Variants in DAPK2 observed in about 807,000 individuals in gnomAD.
DAPK2 encodes the protein death-associated protein kinase 2.
DAPK2 carries 35 observed loss-of-function variants against 44.1 expected under a neutral mutation model. The observed-to-expected ratio is 0.79, with a 90% CI of 0.61 to 1.05. DAPK2 has a LOEUF of 1.05. DAPK2 is among the 50% of genes least tolerant of loss of function. DAPK2 has a pLI of 0.00. For synonymous variants in DAPK2, 174 were observed against 182.6 expected, an observed-to-expected ratio of 0.95 and a Z score of 0.38; for missense variants, 453 against 483.2, an observed-to-expected ratio of 0.94 and a Z score of 0.59.
chr15:64,036,967 C>A lies in DAPK2; in HGVS notation c.92+3203G>T, dbSNP rs534505751. Among the ~76,000 whole-genome samples the A allele has an allele frequency of 2.0e-5, 3 of 152,288 alleles. No homozygotes were observed. The East Asian group carries it at 5.8e-4, about 29-fold the overall frequency. The stretch of plus-strand genomic sequence containing the variant: ...TCATGAACACTTACCCCATGCCCAG[C>A]TCTGAGAGGGATTCCTGACTCAGCA... On this transcript the variant is annotated intron_variant, in intron 1 of 10. Transcript: ENST00000261891.
chr15:63,973,084 C>T (rs1207644741), intron 2 of DAPK2, among the ~76,000 whole-genome samples: 1 of 152,180 alleles, frequency 6.6e-6, no homozygotes, highest in Non-Finnish European at 1.5e-5. Flanking sequence ...AGAATGATAT[C>T]AAAGGAGGGG....
chr15:63,971,299 G>A (rs1433808154), intron 3 of DAPK2, 124 bp downstream of exon 4: 4 of 1,221,732 alleles, frequency 3.3e-6, no homozygotes, highest in Non-Finnish European at 4.6e-6. Context: ...TGAGCTCAGG[G>A]TTTTTCACTG....
chr15:64,006,920 G>T (rs933063151), intron 1 of DAPK2, among the ~76,000 whole-genome samples: 11 of 152,066 alleles, frequency 7.2e-5, no homozygotes, highest in Admixed American at 2.0e-4. Flanking sequence ...CCACCCATAG[G>T]GAGCCCGACT....
intron 3 of DAPK2, among the ~76,000 whole-genome samples, chr15:63,958,316 T>C (rs1161267513): frequency 6.6e-6 from 1 of 152,142 alleles, no homozygotes; most frequent in Admixed American, 6.5e-5. Context: ...CTGTTCACTC[T>C]GATGGTAGTT....
At position 63,923,469 on chromosome 15, in the gene DAPK2, G is replaced by A; in HGVS notation, c.858+1347C>T. On this transcript the variant is annotated intron_variant, in intron 8 of 10. Coordinates refer to ENST00000261891, the Ensembl canonical transcript of DAPK2. This position sits in a 1 kb window ranked among gnomAD's most constrained non-coding sequence, Gnocchi z 4.2. Reference sequence around the variant, plus strand: ...TTCACTGCATGCGTCAGGCCATGGGGAGAACCAGGGTGGGATGAGCACCTC... The same window carrying A: ...TTCACTGCATGCGTCAGGCCATGGGAAGAACCAGGGTGGGATGAGCACCTC... 1.4e-6 allele frequency: 2 copies of A among 1,447,046 alleles called. No individual in the cohort carries two copies. Among genetic ancestry groups the A allele is most frequent in the Non-Finnish European group, 1.8e-6 (2 of 1,103,196 alleles). 89.6% of individuals were successfully genotyped at this position (1,447,046 alleles called of 1,614,324 possible).
At chr15:63,967,007 G>C (rs1001057588) in intron 3 of DAPK2, among the ~76,000 whole-genome samples, 1 of 151,896 alleles carries the variant, frequency 6.6e-6, no homozygotes, top group African/African-American at 2.4e-5. Context: ...GTGAAACCCC[G>C]TCTCTACTAA....
chr15:63,959,519 G>T (rs927007967), intron 3 of DAPK2, among the ~76,000 whole-genome samples: 1 of 152,148 alleles, frequency 6.6e-6, no homozygotes, highest in South Asian at 2.1e-4. Context: ...ATTATTTTGA[G>T]ACACGTCCCA....
intron 1 of DAPK2, among the ~76,000 whole-genome samples, chr15:64,034,855 T>C (rs1274248323): frequency 6.6e-6 from 1 of 152,226 alleles, no homozygotes; most frequent in African/African-American, 2.4e-5. Context: ...CTTATGATTT[T>C]ATGTTAATAT....
At chr15:64,010,864 A>G (rs1303213410) in intron 1 of DAPK2, among the ~76,000 whole-genome samples, 1 of 152,056 alleles carries the variant, frequency 6.6e-6, no homozygotes, top group Non-Finnish European at 1.5e-5. Flanking sequence ...TTGTTTATAA[A>G]CTGTTGATGC....
chr15:64,041,921 C>T (rs1016845775), upstream of DAPK2, among the ~76,000 whole-genome samples: 1 of 152,206 alleles, frequency 6.6e-6, no homozygotes, highest in Non-Finnish European at 1.5e-5. Flanking sequence ...GGCTTACTCT[C>T]GTGGTCACCT....
At chr15:63,993,651 G>C (rs992234096) in intron 1 of DAPK2, among the ~76,000 whole-genome samples, 2 of 152,072 alleles carry the variant, frequency 1.3e-5, no homozygotes, top group African/African-American at 4.8e-5. Context: ...CAGACATGCA[G>C]GGCTGTGAAT....
intron 3 of DAPK2, among the ~76,000 whole-genome samples, chr15:63,969,200 C>T (rs1286671580): frequency 6.6e-6 from 1 of 151,622 alleles, no homozygotes; most frequent in Non-Finnish European, 1.5e-5. Flanking sequence ...GGGCAGATTG[C>T]TTGAGCCTAG....
intron 1 of DAPK2, among the ~76,000 whole-genome samples, chr15:64,014,285 C>A (rs1187535532): frequency 6.6e-6 from 1 of 152,232 alleles, no homozygotes; most frequent in Non-Finnish European, 1.5e-5. Context: ...TATGTTGGTC[C>A]AGGCCCTGGC....
intron 10 of DAPK2, chr15:63,910,821 G>T (rs1477803710): frequency 2.0e-5 from 3 of 152,236 alleles, no homozygotes; most frequent in African/African-American, 4.8e-5. Flanking sequence ...GCCACCCAAA[G>T]TGCTGGGACT....
At chr15:63,907,315 C>T (rs1438219262) in exon 11 of DAPK2, 1 of 152,090 alleles carries the variant, frequency 6.6e-6, no homozygotes, top group African/African-American at 2.4e-5. Flanking sequence ...TTCTGTGGTA[C>T]CAAGGGTTAA....
intron 10 of DAPK2, among the ~76,000 whole-genome samples, chr15:63,910,382 G>T (rs575464107): frequency 1.3e-5 from 2 of 152,312 alleles, no homozygotes; most frequent in East Asian, 1.9e-4. Flanking sequence ...CCTCCCAGTC[G>T]CTCCCTGAGC....
At chr15:63,969,741 T>TAAA (rs11331070) in intron 3 of DAPK2, among the ~76,000 whole-genome samples, 1 of 143,910 alleles carries the variant, frequency 6.9e-6, no homozygotes, top group African/African-American at 2.6e-5. Context: ...CTATCTCTAT[T>TAAA]AAAAAAAAAA....
At position 63,939,752 on chromosome 15, in the gene DAPK2, TG is replaced by T. The variant is rs1006639477; in HGVS notation, c.454-392del. ...AACAAACCCAGCACTGCTGTGTGGG[TG>T]TGAAAGGGACGGGGACATCCCAGCT... On this transcript the variant is annotated intron_variant, in intron 3 of 10. Coordinates refer to ENST00000261891, the Ensembl canonical transcript of DAPK2. The surrounding 1 kb of genome is among the most constrained non-coding windows in gnomAD (Gnocchi z 4.3). Among the ~76,000 whole-genome samples the T allele has an allele frequency of 2.6e-5, 4 of 152,182 alleles. No homozygotes were observed. The highest frequency in any genetic ancestry group is 9.7e-5 in the African/African-American group (4 of 41,440).
intron 2 of DAPK2, among the ~76,000 whole-genome samples, chr15:63,983,102 C>T (rs1226696927): frequency 4.6e-5 from 7 of 152,204 alleles, no homozygotes; most frequent in Admixed American, 4.6e-4. Context: ...AAGGGCTTCG[C>T]AGAGCCCAGA....
Sources: allele counts gnomAD v4.1 joint callset (sites outside exome capture counted in the v4.1 genomes callset), GRCh38; gene constraint gnomAD v4.1.1; non-coding constraint Gnocchi (gnomAD v3.1); transcripts MANE v1.5; gene names NCBI Gene and HGNC (gene_info 2026-07-23, HGNC 2026-07-21).